CYSTM1: variants seen among roughly 807,000 people sequenced by gnomAD.
The protein encoded by CYSTM1 is cysteine-rich transmembrane module-containing protein 1.
In CYSTM1, 4 loss-of-function variants were observed where a neutral mutation model predicts 13.1. The ratio of observed to expected loss-of-function variants is 0.31; its 90% CI spans 0.15 to 0.70. CYSTM1 has a LOEUF of 0.70. CYSTM1 is among the 30% of genes least tolerant of loss of function. CYSTM1 has a pLI of 0.72. For missense variants in CYSTM1, 96 were observed against 121.6 expected, an observed-to-expected ratio of 0.79 and a Z score of 0.99; for synonymous variants, 36 against 42.7, an observed-to-expected ratio of 0.84 and a Z score of 0.62.
intron 1 of CYSTM1, among the ~76,000 whole-genome samples, chr5:140,177,580 C>T (rs1352259749): frequency 6.6e-6 from 1 of 152,120 alleles, no homozygotes; most frequent in Non-Finnish European, 1.5e-5. Flanking sequence ...GAAACCGGTG[C>T]AGCACTCAAA....
At chr5:140,201,937 T>A (rs1764239177) in intron 2 of CYSTM1, 1 of 145,520 alleles carries the variant, frequency 6.9e-6, no homozygotes, top group South Asian at 2.2e-4. Flanking sequence ...ATACTCTTTT[T>A]TTTTTTTTTT....
chr5:140,198,583 C>T (rs1764182152), intron 2 of CYSTM1, among the ~76,000 whole-genome samples: 1 of 152,238 alleles, frequency 6.6e-6, no homozygotes. Flanking sequence ...AGGCCCAGAA[C>T]TGGCACAGCA....
At chr5:140,226,766 C>CA (rs774732902) in intron 2 of CYSTM1, among the ~76,000 whole-genome samples, 4,066 of 117,394 alleles carry the variant, frequency 0.035, 213 homozygotes, top group African/African-American at 0.12. Flanking sequence ...TACTCTGTCT[C>CA]AAAAAAAAAA....
rs190466105 is a variant in CYSTM1, at chr5:140,194,113, C to G, written c.-20-333C>G. Among the ~76,000 whole-genome samples the G allele has an allele frequency of 7.2e-4, 110 of 152,320 alleles. No individual in the cohort carries two copies. The Middle Eastern group carries it at 0.02, about 28-fold the overall frequency. On this transcript the variant is annotated intron_variant, in intron 1 of 2. Coordinates refer to ENST00000261811, the MANE Select transcript of CYSTM1 (RefSeq NM_032412.4). ...TCAGAGGAATTAAAAAACAAAATAT[C>G]TTGCTATTCATTTAACACATTTATT...
intron 2 of CYSTM1, among the ~76,000 whole-genome samples, chr5:140,226,457 C>A (rs1431412187): frequency 1.8e-5 from 2 of 112,164 alleles, no homozygotes; most frequent in Non-Finnish European, 1.8e-5. Flanking sequence ...GGTGAAAACC[C>A]GTCTCTATAA....
intron 2 of CYSTM1, 71 bp from the exon 3 acceptor site, chr5:140,243,234 G>C (rs1407057665): frequency 7.7e-7 from 1 of 1,298,336 alleles, no homozygotes; most frequent in African/African-American, 1.5e-5. Context: ...CTGTGGTCCT[G>C]GGAGGCTAAC....
intron 2 of CYSTM1, among the ~76,000 whole-genome samples, chr5:140,241,933 T>C (rs1764754375): frequency 6.6e-6 from 1 of 152,224 alleles, no homozygotes; most frequent in African/African-American, 2.4e-5. Context: ...AGGCCTGGGT[T>C]CGGATTCTGC....
At chr5:140,179,332 G>C (rs373567212) in intron 1 of CYSTM1, among the ~76,000 whole-genome samples, 1 of 151,592 alleles carries the variant, frequency 6.6e-6, no homozygotes, top group East Asian at 2.0e-4. Context: ...GCCGAGGTGG[G>C]TGGATTGCTT....
At chr5:140,196,582 G>GT (rs1764161907) in intron 2 of CYSTM1, among the ~76,000 whole-genome samples, 1 of 152,204 alleles carries the variant, frequency 6.6e-6, no homozygotes, top group African/African-American at 2.4e-5. Context: ...GTGTTCTGTT[G>GT]TAACAGTTTT....
chr5:140,227,069 G>T (rs1764566853), intron 2 of CYSTM1, among the ~76,000 whole-genome samples: 1 of 152,162 alleles, frequency 6.6e-6, no homozygotes, highest in South Asian at 2.1e-4. Flanking sequence ...GGCTGGTTAG[G>T]GACCTGGAGG....
At position 140,213,756 on chromosome 5, in the gene CYSTM1, G is replaced by A. The variant is rs970251464; in HGVS notation, c.187+19104G>A. 4.6e-5 allele frequency among the ~76,000 whole-genome samples: 7 copies of A among 152,182 alleles called. No individual in the cohort carries two copies. The East Asian group carries it at 1.2e-3, about 25-fold the overall frequency. ...TAGCAACATGCTGTACGCATTTGTA[G>A]CCTAGGAGCAATAGGTGATAGTATA... On this transcript the variant is annotated intron_variant, in intron 2 of 2. Transcript: ENST00000261811.
intron 2 of CYSTM1, among the ~76,000 whole-genome samples, chr5:140,196,219 G>C (rs1251280934): frequency 6.6e-6 from 1 of 152,156 alleles, no homozygotes; most frequent in Non-Finnish European, 1.5e-5. Context: ...GCACTTTCTA[G>C]ATTAGAATCC....
At chr5:140,231,997 A>G (rs763890299) in intron 2 of CYSTM1, among the ~76,000 whole-genome samples, 1 of 152,210 alleles carries the variant, frequency 6.6e-6, no homozygotes, top group Non-Finnish European at 1.5e-5. Context: ...ACAGGTACAC[A>G]TGGTGATTAT....
At chr5:140,187,260 C>T (rs1764028913) in intron 1 of CYSTM1, among the ~76,000 whole-genome samples, 2 of 147,260 alleles carry the variant, frequency 1.4e-5, no homozygotes, top group Admixed American at 1.3e-4. Context: ...GTAAAGTGGT[C>T]TATTTACAAA....
intron 2 of CYSTM1, among the ~76,000 whole-genome samples, chr5:140,235,037 G>A (rs1401600366): frequency 6.6e-6 from 1 of 150,862 alleles, no homozygotes; most frequent in African/African-American, 2.4e-5. Flanking sequence ...CGCGATCTCG[G>A]CTTACTGCAA....
In CYSTM1 at chr5:140,194,427, C is replaced by A. The variant is rs1764127332; in HGVS notation, c.-20-19C>A. On this transcript the variant is annotated intron_variant, in intron 1 of 2. Coordinates refer to ENST00000261811, the MANE Select transcript of CYSTM1 (RefSeq NM_032412.4). The stretch of plus-strand genomic sequence containing the variant: ...TCCACAGTTAAATGCAAATAATTTT[C>A]ATTCTTTTTGTCTCTTAGGTGCACT... 1.3e-6 allele frequency: 2 copies of A among 1,524,138 alleles called. No individual in the cohort carries two copies. The highest frequency in any genetic ancestry group is 4.8e-5 in the East Asian group (2 of 41,564). The allele number at this position is 1,524,138 out of a possible 1,614,324, so 94.4% of individuals were successfully genotyped here.
In CYSTM1 at chr5:140,219,517, C is replaced by T. The variant is rs1332921686; in HGVS notation, c.188-23788C>T. Among the ~76,000 whole-genome samples, 2 of 152,154 alleles carry T rather than the reference C, an allele frequency of 1.3e-5. No homozygotes were observed. Among genetic ancestry groups the T allele is most frequent in the Admixed American group, 1.3e-4 (2 of 15,276 alleles). On this transcript the variant is annotated intron_variant, in intron 2 of 2. Coordinates refer to ENST00000261811, the MANE Select transcript of CYSTM1 (RefSeq NM_032412.4). This position sits in a 1 kb window ranked among gnomAD's most constrained non-coding sequence, Gnocchi z 4.1. ...TCCTGTCCCATCCCTGACCTTGGAA[C>T]TCACTGTGTACCAGCCTCTAAACTG...
At position 140,175,442 on chromosome 5, in the gene CYSTM1, G is replaced by A. The variant is rs1241849364; in HGVS notation, c.-21+157G>A. 6.6e-6 allele frequency among the ~76,000 whole-genome samples: 1 copy of A among 152,034 alleles called. No homozygotes were observed. The highest frequency in any genetic ancestry group is 1.5e-5 in the Non-Finnish European group (1 of 67,980). On this transcript the variant is annotated intron_variant, in intron 1 of 2. Coordinates refer to ENST00000261811, the MANE Select transcript of CYSTM1 (RefSeq NM_032412.4). This position sits in a 1 kb window ranked among gnomAD's most constrained non-coding sequence, Gnocchi z 4.9. ...AGGGGTTCGCGCAGCCCCTGGGGAG[G>A]GGCAGGGAGGCAGGGAAGCTGCTGC...
chr5:140,223,123 A>G (rs1389560293), intron 2 of CYSTM1, among the ~76,000 whole-genome samples: 1 of 152,188 alleles, frequency 6.6e-6, no homozygotes, highest in African/African-American at 2.4e-5. Flanking sequence ...AGGAATTCAG[A>G]GTCAGAAAGA....
Sources: gnomAD v4.1 joint callset for allele counts (sites outside exome capture counted in the v4.1 genomes callset) on GRCh38, gnomAD v4.1.1 for gene constraint, Gnocchi (gnomAD v3.1) non-coding constraint, MANE v1.5 for transcripts, NCBI Gene and HGNC (gene_info 2026-07-23, HGNC 2026-07-21) for gene names.